The following SPATA17 variants were observed in gnomAD, a reference collection of about 807,000 sequenced individuals.
SPATA17 encodes spermatogenesis associated 17, also known as spermatogenesis-associated protein 17.
SPATA17 carries 53 observed loss-of-function variants against 62.2 expected under a neutral mutation model. The ratio of observed to expected loss-of-function variants is 0.85; its 90% confidence interval spans 0.68 to 1.07. The LOEUF (loss-of-function observed/expected upper bound fraction) is 1.07. Among genes scored for constraint, SPATA17 ranks in the 50% least tolerant of loss-of-function variants. The probability of loss-of-function intolerance (pLI) is 0.00; values close to 1 mark genes in which losing one functional copy is unlikely to be tolerated. For missense variants in SPATA17, 466 were observed against 425.5 expected (o/e 1.10, Z -0.84); for synonymous variants, 146 against 146.8 (o/e 0.99, Z 0.04).
At chr1:217,725,123 A>G (rs1186129201) in intron 5 of SPATA17, among the ~76,000 whole-genome samples, 5 of 152,182 alleles carry the variant, frequency 3.3e-5, no homozygotes, top group Non-Finnish European at 7.4e-5. Context: ...TCTGGAATCT[A>G]TTTAATACAA....
chr1:217,811,869 T>C (rs1402351818), intron 9 of SPATA17, among the ~76,000 whole-genome samples: 1 of 152,212 alleles, frequency 6.6e-6, no homozygotes, highest in East Asian at 1.9e-4. Context: ...GCTAAAATAC[T>C]TTTTTCTATA....
chr1:217,865,517 C>A (rs1272540147), intron 10 of SPATA17, among the ~76,000 whole-genome samples: 1 of 152,092 alleles, frequency 6.6e-6, no homozygotes, highest in African/African-American at 2.4e-5. Flanking sequence ...TAACATTACT[C>A]CTTTTAGTGT....
chr1:217,805,408 T>A (rs1164456770), intron 9 of SPATA17, among the ~76,000 whole-genome samples: 2 of 152,186 alleles, frequency 1.3e-5, no homozygotes, highest in Non-Finnish European at 2.9e-5. Context: ...GAGAAGGGGA[T>A]GTTTGTCAAA....
In SPATA17 at chr1:217,801,775, A is replaced by G. The variant is rs140607045; in HGVS notation, c.930A>G (p.Leu310=). 3.0e-5 allele frequency: 49 copies of G among 1,611,124 alleles called. No individual in the cohort carries two copies. Among genetic ancestry groups the G allele is most frequent in the East Asian group, 6.7e-5 (3 of 44,704 alleles). ...AAAAGTACATCCCATCAATGCATTT[A>G]TCAAGCAAGTATGGTCCTATTTCTT... ...KNEKYIPSMH[L]SSKYGPISYK... The change falls in exon 9 of 11, where the codon TTA becomes TTG. Residue 310 remains leucine (L), a synonymous_variant. Transcript: ENST00000366933.
chr1:217,746,336 G>A (rs1672750574), intron 6 of SPATA17, among the ~76,000 whole-genome samples: 1 of 151,772 alleles, frequency 6.6e-6, no homozygotes, highest in African/African-American at 2.4e-5. Context: ...AGCAAAGAGA[G>A]GGACATTATT....
At chr1:217,685,409 T>C (rs1443557563) in intron 5 of SPATA17, among the ~76,000 whole-genome samples, 1 of 152,198 alleles carries the variant, frequency 6.6e-6, no homozygotes, top group African/African-American at 2.4e-5. Context: ...AATAGGAATA[T>C]CTCTAGTCAG....
intron 3 of SPATA17, among the ~76,000 whole-genome samples, chr1:217,664,129 AAT>A (rs1261640421): frequency 6.6e-6 from 1 of 151,994 alleles, no homozygotes; most frequent in African/African-American, 2.4e-5. Flanking sequence ...ATGTTTTGAG[AAT>A]ATAAGGCTAA....
intron 9 of SPATA17, among the ~76,000 whole-genome samples, chr1:217,856,837 A>G (rs549282560): frequency 6.6e-6 from 1 of 152,340 alleles, no homozygotes; most frequent in Admixed American, 6.5e-5. Flanking sequence ...CAATGAGAGC[A>G]AAGTTTGATC....
intron 9 of SPATA17, among the ~76,000 whole-genome samples, chr1:217,808,310 G>A (rs536188412): frequency 1.9e-4 from 29 of 151,600 alleles, no homozygotes; most frequent in African/African-American, 5.6e-4. Flanking sequence ...ATTTCAGAGA[G>A]GAATATTTTG....
intron 5 of SPATA17, among the ~76,000 whole-genome samples, chr1:217,733,101 A>C (rs543675327): frequency 6.6e-6 from 1 of 152,266 alleles, no homozygotes; most frequent in African/African-American, 2.4e-5. Context: ...GAAATAATAG[A>C]GCAATTGGAC....
intron 5 of SPATA17, among the ~76,000 whole-genome samples, chr1:217,687,995 A>G (rs1228709110): frequency 6.6e-6 from 1 of 152,210 alleles, no homozygotes; most frequent in Non-Finnish European, 1.5e-5. Context: ...CTTAAAAAAC[A>G]TCATACATAT....
intron 1 of SPATA17, among the ~76,000 whole-genome samples, chr1:217,645,417 G>C (rs1257856889): frequency 6.6e-6 from 1 of 152,092 alleles, no homozygotes; most frequent in African/African-American, 2.4e-5. Flanking sequence ...AGAAGCATTA[G>C]ATGTGTCTAT....
rs540878176 is a variant in SPATA17, at chr1:217,773,416, A to T, written c.520-918A>T. On this transcript the variant is annotated intron_variant, in intron 6 of 10. Coordinates refer to ENST00000366933, the MANE Select transcript of SPATA17 (RefSeq NM_138796.4). ...TTGTGTATGATATTTACATATACAC[A>T]TATGTGTATATGTTTTGATATAAGG... 2.9e-4 allele frequency among the ~76,000 whole-genome samples: 44 copies of T among 152,296 alleles called. 1 individual carries two copies. The South Asian group carries it at 8.9e-3, about 31-fold the overall frequency.
chr1:217,750,299 C>T (rs1298556545), intron 6 of SPATA17, among the ~76,000 whole-genome samples: 2 of 151,776 alleles, frequency 1.3e-5, no homozygotes, highest in African/African-American at 2.4e-5. Context: ...AAGAAAACTA[C>T]GTTCAGAGAC....
At chr1:217,754,074 A>C (rs180722237) in intron 6 of SPATA17, among the ~76,000 whole-genome samples, 14 of 151,022 alleles carry the variant, frequency 9.3e-5, no homozygotes, top group Non-Finnish European at 3.0e-5. Context: ...CATCTCTACA[A>C]AAAAAAAATT....
At chr1:217,677,242 T>C (rs1670967049) in intron 4 of SPATA17, among the ~76,000 whole-genome samples, 1 of 152,108 alleles carries the variant, frequency 6.6e-6, no homozygotes. Flanking sequence ...TCTAACTTGA[T>C]ATATCAAGTA....
chr1:217,841,271 A>G (rs1675389978), intron 9 of SPATA17, among the ~76,000 whole-genome samples: 2 of 152,060 alleles, frequency 1.3e-5, no homozygotes, highest in Non-Finnish European at 2.9e-5. Context: ...TGGGACATCA[A>G]TAGGGACTGA....
intron 8 of SPATA17, among the ~76,000 whole-genome samples, chr1:217,792,004 C>G (rs1006559049): frequency 3.3e-5 from 5 of 151,992 alleles, no homozygotes; most frequent in Admixed American, 2.0e-4. Context: ...CTGGGCCACA[C>G]TGGAAGAAGA....
chr1:217,764,085 C>T (rs973921503), intron 6 of SPATA17, among the ~76,000 whole-genome samples: 14 of 152,102 alleles, frequency 9.2e-5, no homozygotes, highest in African/African-American at 3.4e-4. Context: ...TACATGGATA[C>T]GTCATTAGCA....
Sources: allele counts gnomAD v4.1 joint callset (sites outside exome capture counted in the v4.1 genomes callset), GRCh38; gene constraint gnomAD v4.1.1; transcripts MANE v1.5; gene names NCBI Gene and HGNC (gene_info 2026-07-23, HGNC 2026-07-21).